Variants in CTSF observed in about 807,000 individuals in gnomAD.
CTSF encodes cathepsin F.
In CTSF, 65 loss-of-function variants were observed where a neutral mutation model predicts 63.5. The observed-to-expected ratio is 1.02, with a 90% CI of 0.84 to 1.26. The LOEUF is 1.26. Among genes scored for constraint, CTSF ranks in the 50% most tolerant of loss-of-function variants. The probability of loss-of-function intolerance (pLI) is 0.00; values close to 1 mark genes in which losing one functional copy is unlikely to be tolerated. For synonymous variants in CTSF, 256 were observed against 258.1 expected, an observed-to-expected ratio of 0.99 and a Z score of 0.08; for missense variants, 641 against 631.0, an observed-to-expected ratio of 1.02 and a Z score of -0.17.
chr11:66,567,073 C>T (rs1203567555), intron 4 of CTSF, among the ~76,000 whole-genome samples, 173 bp downstream of exon 4: 2 of 152,028 alleles, frequency 1.3e-5, no homozygotes, highest in Non-Finnish European at 2.9e-5. Context: ...GAGAAGGGGC[C>T]AGGTACTCAG....
In CTSF at chr11:66,564,768, C is replaced by T. The variant is rs375891471; in HGVS notation, c.1204G>A (p.Val402Met). 58 of 1,613,902 alleles carry T rather than the reference C, an allele frequency of 3.6e-5. No homozygotes were observed. Among genetic ancestry groups the T allele is most frequent in the South Asian group, 1.2e-4 (11 of 91,092 alleles). The change falls in exon 10 of 13, where the codon GTG (valine) becomes ATG (methionine). Residue 402 changes from valine (V) to methionine (M), a missense_variant. Coordinates refer to ENST00000310325, the MANE Select transcript of CTSF (RefSeq NM_003793.4). ...TGCATGCCAAAGGCATTGATGGCCACGGAGATTGGGCCTCTCTTGGCCAGC... is the reference window on the plus strand; with the variant it reads ...TGCATGCCAAAGGCATTGATGGCCATGGAGATTGGGCCTCTCTTGGCCAGC... ...AWLAKRGPIS[V>M]AINAFGMQFY...
Position 66,568,364 on chromosome 11 carries a change from C to T in CTSF, c.123G>A (p.Ala41=), listed in dbSNP as rs1166180301. 1 of 1,303,478 alleles carries T rather than the reference C, an allele frequency of 7.7e-7. No homozygotes were observed. Among genetic ancestry groups the T allele is most frequent in the Non-Finnish European group, 9.7e-7 (1 of 1,034,258 alleles). The allele number at this position is 1,303,478 out of a possible 1,614,324, so 80.7% of individuals were successfully genotyped here. Reference sequence around the variant, plus strand: ...ACATCTCCAGCGCGAAGCGGGTGGGCGCCAGCAGCTCCGGGGACGGCGGCC... The same window carrying T: ...ACATCTCCAGCGCGAAGCGGGTGGGTGCCAGCAGCTCCGGGGACGGCGGCC... ...AWGPPSPELL[A]PTRFALEMFN... is the part of the protein sequence containing the mutation. Residue 41 remains alanine (A), a synonymous_variant, in exon 1 of 13, where the codon GCG becomes GCA. Transcript: ENST00000310325.
chr11:66,564,373 C>T (rs1857878949), intron 11 of CTSF, 185 bp downstream of exon 11: 2 of 764,504 alleles, frequency 2.6e-6, no homozygotes, highest in Non-Finnish European at 4.1e-6. Flanking sequence ...CAATATTTAC[C>T]CTCCCACAGC....
In CTSF at chr11:66,568,273, C is replaced by G. The variant is rs797045136; in HGVS notation, c.213+1G>C. Reference sequence around the variant, plus strand: ...CGCCCCCGCCCCCGGCGCGTCCTCACCCGGCGGACGCGGCCGCGCACAAGG... The same window carrying G: ...CGCCCCCGCCCCCGGCGCGTCCTCAGCCGGCGGACGCGGCCGCGCACAAGG... On this transcript the variant is annotated splice_donor_variant, in intron 1 of 12. Transcript: ENST00000310325. LOFTEE classifies it high-confidence loss of function. The G allele has an allele frequency of 4.0e-6, 6 of 1,503,808 alleles. No individual in the cohort carries two copies. The highest frequency in any genetic ancestry group is 5.3e-6 in the Non-Finnish European group (6 of 1,133,300). 93.2% of individuals were successfully genotyped at this position (1,503,808 alleles called of 1,614,324 possible).
At chr11:66,565,052 C>G in intron 8 of CTSF, 46 bp from the exon 9 acceptor site, 1 of 1,517,010 alleles carries the variant, frequency 6.6e-7, no homozygotes, top group South Asian at 1.3e-5. Flanking sequence ...CTCCCATTTG[C>G]CATTCACAGC....
rs770076179 is a variant in CTSF, at chr11:66,567,271, A to G, written c.582T>C (p.Tyr194=). The G allele has an allele frequency of 6.2e-7, 1 of 1,614,204 alleles. No homozygotes were observed. The highest frequency in any genetic ancestry group is 1.1e-5 in the South Asian group (1 of 91,086). The change falls in exon 4 of 13, where the codon TAT becomes TAC. Residue 194 remains tyrosine (Y), a synonymous_variant. Coordinates refer to ENST00000310325, the MANE Select transcript of CTSF (RefSeq NM_003793.4). ...CTTCCTTTGACTCATATGTCCGGTT[A>G]TAGGTAATGACAAAGTTCTTGAAGA... ...ASIFKNFVIT[Y]NRTYESKEEA...
Position 66,567,241 on chromosome 11 carries a change from C to T in CTSF, c.607+5G>A. ...GAACAGGTACAGCCAAGGCTGGGTC[C>T]TCACCTTCCTTTGACTCATATGTCC... On this transcript the variant is annotated splice_donor_5th_base_variant and intron_variant, in intron 4 of 12. Coordinates refer to ENST00000310325, the MANE Select transcript of CTSF (RefSeq NM_003793.4). 6.2e-7 allele frequency: 1 copy of T among 1,614,154 alleles called. No homozygotes were observed. Among genetic ancestry groups the T allele is most frequent in the Middle Eastern group, 1.6e-4 (1 of 6,062 alleles).
intron 11 of CTSF, 115 bp downstream of exon 11, chr11:66,564,443 G>A: frequency 5.0e-6 from 5 of 996,040 alleles, no homozygotes; most frequent in Non-Finnish European, 7.3e-6. Context: ...CCAGGCAGTG[G>A]GTAAGGACAG....
Position 66,564,960 on chromosome 11 carries a change from C to T in CTSF, c.1092G>A (p.Gln364=), listed in dbSNP as rs746640955. 8.8e-6 allele frequency: 14 copies of T among 1,595,044 alleles called. No individual in the cohort carries two copies. In the South Asian group the frequency reaches 1.4e-4, roughly 15 times the overall value. The change falls in exon 9 of 13, where the codon CAG becomes CAA. Residue 364 remains glutamine (Q), a synonymous_variant. Coordinates refer to ENST00000310325, the MANE Select transcript of CTSF (RefSeq NM_003793.4). The stretch of plus-strand genomic sequence containing the variant: ...CCTTCTCTGCTGAGAAGTTGCAGGA[C>T]TGCATGTGACCCTGGTAGCTGTAGT... ...EDDYSYQGHM[Q]SCNFSAEKAK...
rs988896336 is a variant in CTSF at position 66,564,200 on chromosome 11, C to T, written c.1322-54G>A. The T allele has an allele frequency of 5.8e-5, 91 of 1,568,176 alleles. No individual in the cohort carries two copies. The South Asian group carries it at 6.7e-4, about 12-fold the overall frequency. On this transcript the variant is annotated intron_variant, in intron 11 of 12. Transcript: ENST00000310325. ...AGGGTCCTTAATTCTCCAGGCAGAG[C>T]CTTAATCACTTTGCACCCTTCAAAT... is the stretch of plus-strand genomic sequence containing the variant.
Position 66,565,023 on chromosome 11 carries a change from G to A in CTSF, c.1046-17C>T. ...CCAGCCCTCCTGGGGAACGGTGGGGGTGAGTAGAGAAGGGCAGGCTCCCAT... is the reference window on the plus strand; with the variant it reads ...CCAGCCCTCCTGGGGAACGGTGGGGATGAGTAGAGAAGGGCAGGCTCCCAT... On this transcript the variant is annotated splice_polypyrimidine_tract_variant and intron_variant, in intron 8 of 12. Transcript: ENST00000310325. The A allele has an allele frequency of 6.5e-7, 1 of 1,541,160 alleles. No individual in the cohort carries two copies. Among genetic ancestry groups the A allele is most frequent in the East Asian group, 2.3e-5 (1 of 44,126 alleles).
chr11:66,565,599 C>G lies in CTSF; in HGVS notation c.1045+72G>C, dbSNP rs958903211. Reference sequence around the variant, plus strand: ...GTAACTCTCATGCTCATGTCTCCCCCCCATTATGAAGTAACTTCTTGTACA... The same window carrying G: ...GTAACTCTCATGCTCATGTCTCCCCGCCATTATGAAGTAACTTCTTGTACA... On this transcript the variant is annotated intron_variant, in intron 8 of 12. Coordinates refer to ENST00000310325, the MANE Select transcript of CTSF (RefSeq NM_003793.4). 1.8e-5 allele frequency: 29 copies of G among 1,589,500 alleles called. No homozygotes were observed. The Admixed American group carries it at 2.7e-4, about 15-fold the overall frequency.
chr11:66,568,338 A>G lies in CTSF; in HGVS notation c.149T>C (p.Phe50Ser). Residue 50 changes from phenylalanine to serine, a missense_variant, in exon 1 of 13, where the codon TTC becomes TCC. Coordinates refer to ENST00000310325, the MANE Select transcript of CTSF (RefSeq NM_003793.4). ...CGTCCCCGCAGCCCGGCCGCGGTTG[A>G]ACATCTCCAGCGCGAAGCGGGTGGG... ...LAPTRFALEM[F>S]NRGRAAGTRA... The G allele has an allele frequency of 5.3e-6, 7 of 1,312,094 alleles. No individual in the cohort carries two copies. The highest frequency in any genetic ancestry group is 6.7e-6 in the Non-Finnish European group (7 of 1,040,314). The allele number at this position is 1,312,094 out of a possible 1,614,324, so 81.3% of individuals were successfully genotyped here.
intron 1 of CTSF, 25 bp downstream of exon 1, chr11:66,568,249 G>T (rs1206643714): frequency 6.6e-7 from 1 of 1,514,546 alleles, no homozygotes; most frequent in Non-Finnish European, 8.8e-7. Flanking sequence ...CGGGCCTGGC[G>T]CCCCCGCCCC....
At position 66,568,335 on chromosome 11, in the gene CTSF, T is replaced by A. The variant is rs924071157; in HGVS notation, c.152A>T (p.Asn51Ile). ...CCGCGTCCCCGCAGCCCGGCCGCGG[T>A]TGAACATCTCCAGCGCGAAGCGGGT... ...APTRFALEMF[N>I]RGRAAGTRAV... Residue 51 changes from asparagine to isoleucine, a missense_variant, in exon 1 of 13, where the codon AAC becomes ATC. Coordinates refer to ENST00000310325, the MANE Select transcript of CTSF (RefSeq NM_003793.4). The A allele has an allele frequency of 7.6e-7, 1 of 1,312,214 alleles. No individual in the cohort carries two copies. The highest frequency in any genetic ancestry group is 1.6e-5 in the African/African-American group (1 of 64,438). 81.3% of individuals were successfully genotyped at this position (1,312,214 alleles called of 1,614,324 possible).
chr11:66,564,389 T>A, intron 11 of CTSF, 169 bp downstream of exon 11: 1 of 780,888 alleles, frequency 1.3e-6, no homozygotes, highest in Non-Finnish European at 2.0e-6. Flanking sequence ...ACAGCTCAGC[T>A]TCCCTGCCAT....
chr11:66,565,892 T>C lies in CTSF; in HGVS notation c.903A>G (p.Thr301=). The C allele has an allele frequency of 3.7e-6, 6 of 1,614,016 alleles. No individual in the cohort carries two copies. The highest frequency in any genetic ancestry group is 4.2e-6 in the Non-Finnish European group (5 of 1,179,996). The change falls in exon 7 of 13, where the codon ACA becomes ACG. Residue 301 remains threonine (T), a synonymous_variant. Coordinates refer to ENST00000310325, the MANE Select transcript of CTSF (RefSeq NM_003793.4). ...MCGSCWAFSV[T]GNVEGQWFLN... ...GAAACCACTGGCCCTCCACATTGCCTGTGACTGAGAAGGCCCAGCAGGAGC... is the reference window on the plus strand; with the variant it reads ...GAAACCACTGGCCCTCCACATTGCCCGTGACTGAGAAGGCCCAGCAGGAGC...
chr11:66,568,527 C>G lies in CTSF; in HGVS notation c.-41G>C, dbSNP rs1857988811. On this transcript the variant is annotated 5_prime_UTR_variant, in exon 1 of 13. Transcript: ENST00000310325. Reference sequence around the variant, plus strand: ...GGCGGCCCGGACCCAACAGACGCTCCACCGACCCACCGGGTACCGAGCCCG... The same window carrying G: ...GGCGGCCCGGACCCAACAGACGCTCGACCGACCCACCGGGTACCGAGCCCG... The G allele has an allele frequency of 1.4e-6, 2 of 1,479,398 alleles. No individual in the cohort carries two copies. Among genetic ancestry groups the G allele is most frequent in the African/African-American group, 1.5e-5 (1 of 68,060 alleles). The allele number at this position is 1,479,398 out of a possible 1,614,324, so 91.6% of individuals were successfully genotyped here.
chr11:66,567,540 T>C lies in CTSF; in HGVS notation c.435A>G (p.Ser145=), dbSNP rs774065277. ...GEPKSAFTQG[S]AMISSLSQNH... is the part of the protein sequence containing the mutation. ...TTTGGGACAGAGAAGAAATCATGGCTGAGCCCTGAGTGAAGGCTGACTTGG... is the reference window on the plus strand; with the variant it reads ...TTTGGGACAGAGAAGAAATCATGGCCGAGCCCTGAGTGAAGGCTGACTTGG... Residue 145 remains serine (S), a synonymous_variant, in exon 3 of 13, where the codon TCA becomes TCG. Coordinates refer to ENST00000310325, the MANE Select transcript of CTSF (RefSeq NM_003793.4). 6.2e-7 allele frequency: 1 copy of C among 1,614,242 alleles called. No individual in the cohort carries two copies. Among genetic ancestry groups the C allele is most frequent in the East Asian group, 2.2e-5 (1 of 44,890 alleles).
Sources: gnomAD v4.1 joint callset for allele counts (sites outside exome capture counted in the v4.1 genomes callset) on GRCh38, gnomAD v4.1.1 for gene constraint, MANE v1.5 for transcripts, NCBI Gene and HGNC (gene_info 2026-07-23, HGNC 2026-07-21) for gene names.